SAAL1: variants seen among roughly 807,000 people sequenced by gnomAD.
The protein encoded by SAAL1 is serum amyloid A like 1, also known as protein SAAL1.
SAAL1 carries 42 observed loss-of-function variants against 59.8 expected under a neutral mutation model. The ratio of observed to expected loss-of-function variants is 0.70; its 90% confidence interval spans 0.55 to 0.91. The LOEUF (loss-of-function observed/expected upper bound fraction) is 0.91. Among genes scored for constraint, SAAL1 ranks in the 40% least tolerant of loss-of-function variants. The pLI is 0.00. For synonymous variants in SAAL1, 191 were observed against 194.3 expected (o/e 0.98, Z 0.14); for missense variants, 542 against 561.1 (o/e 0.97, Z 0.34).
chr11:18,098,659 G>A (rs1287994366), intron 2 of SAAL1, among the ~76,000 whole-genome samples: 1 of 152,208 alleles, frequency 6.6e-6, no homozygotes, highest in African/African-American at 2.4e-5. Context: ...AACTGACTGA[G>A]AGAGACACAC....
rs3830499 is a variant in SAAL1, at chr11:18,105,983, ACCTCCT to A, written c.53_58del (p.Glu18_Glu19del). 64 of 1,573,056 alleles carry A rather than the reference ACCTCCT, an allele frequency of 4.1e-5. No individual in the cohort carries two copies. In the African/African-American group the frequency reaches 7.1e-4, roughly 17 times the overall value. On this transcript the variant is annotated inframe_deletion, in exon 1 of 12. Transcript: ENST00000524803. ...GCTCCCTATGCAGTCTCCACCGGCC[ACCTCCT>A]CCTCCTCCTCCTTGTCGCGACCCGG...
intron 3 of SAAL1, 47 bp from the exon 4 acceptor site, chr11:18,092,371 C>T (rs377730815): frequency 4.3e-5 from 52 of 1,212,306 alleles, no homozygotes; most frequent in East Asian, 3.7e-4. Flanking sequence ...AGACGAAAGA[C>T]GTAAACAAAA....
Position 18,106,030 on chromosome 11 carries a change from G to C in SAAL1, c.12C>G (p.Asn4Lys), listed in dbSNP as rs763555748. The C allele has an allele frequency of 1.2e-6, 2 of 1,605,978 alleles. No homozygotes were observed. Among genetic ancestry groups the C allele is most frequent in the African/African-American group, 1.3e-5 (1 of 74,928 alleles). MDR[N>K]PSPPPPGRDK... is the part of the protein sequence containing the mutation. ...CGCGACCCGGCGGCGGCGGCGAGGG[G>C]TTGCGGTCCATGACTTTGTCGCGTC... The change falls in exon 1 of 12, where the codon AAC becomes AAG. Residue 4 changes from asparagine (N) to lysine (K), a missense_variant. Asn to Lys is a moderately conservative substitution (Grantham distance 94). Coordinates refer to ENST00000524803, the MANE Select transcript of SAAL1 (RefSeq NM_138421.3).
At position 18,085,885 on chromosome 11, in the gene SAAL1, GA is replaced by G. The variant is rs1198617792; in HGVS notation, c.1042+980del. On this transcript the variant is annotated intron_variant, in intron 9 of 11. Coordinates refer to ENST00000524803, the MANE Select transcript of SAAL1 (RefSeq NM_138421.3). ...ACTAGAACCAAAGTTATCAAAGGGG[GA>G]AAAAAAATTAAAGCCACACTTCACA... is the stretch of plus-strand genomic sequence containing the variant. 1.8e-4 allele frequency among the ~76,000 whole-genome samples: 28 copies of G among 151,544 alleles called. No individual in the cohort carries two copies. The East Asian group carries it at 5.0e-3, about 27-fold the overall frequency.
intron 11 of SAAL1, 104 bp downstream of exon 11, chr11:18,081,307 A>T: frequency 1.3e-6 from 1 of 771,516 alleles, no homozygotes; most frequent in South Asian, 1.7e-5. Context: ...TATAAATTGT[A>T]TATACTATCA....
At chr11:18,092,380 A>T in intron 3 of SAAL1, 56 bp from the exon 4 acceptor site, 1 of 1,140,388 alleles carries the variant, frequency 8.8e-7, no homozygotes, top group Non-Finnish European at 1.3e-6. Flanking sequence ...ACGTAAACAA[A>T]AATATCAACT....
intron 9 of SAAL1, 25 bp from the exon 10 acceptor site, chr11:18,083,756 G>A (rs1209835821): frequency 1.5e-5 from 23 of 1,499,808 alleles, no homozygotes; most frequent in Non-Finnish European, 1.9e-5. Flanking sequence ...CAAGAAGCAT[G>A]GAATTGGCCA....
chr11:18,081,421 T>C lies in SAAL1; in HGVS notation c.1322A>G (p.Tyr441Cys). The change falls in exon 11 of 12, where the codon TAT becomes TGT. Residue 441 changes from tyrosine (Y) to cysteine (C), a missense_variant. Physicochemically the swap from Tyr to Cys is radical, Grantham distance 194. Coordinates refer to ENST00000524803, the MANE Select transcript of SAAL1 (RefSeq NM_138421.3). ...TTTACCCATACTCACCACAGGGCTA[T>C]AGAAAGGAAGAAGGTTTTGAAATGC... is the stretch of plus-strand genomic sequence containing the variant. ...SSAFQNLLPF[Y>C]SPVVEDFIKI... 1.2e-6 allele frequency: 2 copies of C among 1,613,658 alleles called. No individual in the cohort carries two copies. Among genetic ancestry groups the C allele is most frequent in the Non-Finnish European group, 1.7e-6 (2 of 1,179,558 alleles).
At chr11:18,104,436 TAAGC>T (rs1316383843) in intron 1 of SAAL1, among the ~76,000 whole-genome samples, 1 of 137,910 alleles carries the variant, frequency 7.3e-6, no homozygotes, top group Non-Finnish European at 1.6e-5. Context: ...CCCTTACATT[TAAGC>T]TTTTTTTTTT....
At position 18,094,631 on chromosome 11, in the gene SAAL1, T is replaced by C. The variant is rs138048537; in HGVS notation, c.333+2140A>G. On this transcript the variant is annotated intron_variant, in intron 3 of 11. Coordinates refer to ENST00000524803, the MANE Select transcript of SAAL1 (RefSeq NM_138421.3). ...GAACAAAGGATCAGGGCCTACACCTTAGAAAAAGTCCATATTCGGGACAGT... is the reference window on the plus strand; with the variant it reads ...GAACAAAGGATCAGGGCCTACACCTCAGAAAAAGTCCATATTCGGGACAGT... Among the ~76,000 whole-genome samples the C allele has an allele frequency of 1.2e-4, 18 of 152,012 alleles. No individual in the cohort carries two copies. The East Asian group carries it at 3.5e-3, about 29-fold the overall frequency.
intron 3 of SAAL1, among the ~76,000 whole-genome samples, chr11:18,093,335 G>A (rs1013594006): frequency 6.6e-6 from 1 of 152,114 alleles, no homozygotes; most frequent in Non-Finnish European, 1.5e-5. Flanking sequence ...TGTATGCTGA[G>A]GTTGCTTAGG....
At chr11:18,099,434 T>TCA (rs1172635305) in intron 2 of SAAL1, among the ~76,000 whole-genome samples, 3 of 152,236 alleles carry the variant, frequency 2.0e-5, no homozygotes, top group Admixed American at 2.0e-4. Context: ...CATGGAATTT[T>TCA]CATTCTAAAG....
intron 7 of SAAL1, 33 bp downstream of exon 7, chr11:18,089,296 TC>T (rs761179335): frequency 6.6e-7 from 1 of 1,513,836 alleles, no homozygotes; most frequent in Admixed American, 2.5e-5. Context: ...AATTGCATTT[TC>T]CCAGAACATT....
chr11:18,083,834 A>G (rs1477943086), intron 9 of SAAL1, 103 bp from the exon 10 acceptor site: 1 of 611,090 alleles, frequency 1.6e-6, no homozygotes, highest in African/African-American at 1.8e-5. Flanking sequence ...GGTATTACAG[A>G]TACACTGGTA....
intron 4 of SAAL1, 94 bp from the exon 5 acceptor site, chr11:18,090,587 A>G: frequency 2.3e-6 from 3 of 1,333,234 alleles, no homozygotes; most frequent in Non-Finnish European, 3.1e-6. Context: ...TTATTGTGAA[A>G]TACAGCATAT....
chr11:18,092,431 G>A (rs1225990607), intron 3 of SAAL1, 107 bp from the exon 4 acceptor site: 10 of 730,396 alleles, frequency 1.4e-5, no homozygotes, highest in African/African-American at 3.5e-5. Flanking sequence ...GGGGCAAGGC[G>A]GAGGGGAGGC....
intron 2 of SAAL1, among the ~76,000 whole-genome samples, chr11:18,102,720 A>C (rs1408192770): frequency 1.3e-5 from 2 of 152,218 alleles, no homozygotes; most frequent in African/African-American, 4.8e-5. Context: ...TAACTGTAAA[A>C]TAAGGGTACT....
rs889750640 is a variant in SAAL1 at position 18,105,936 on chromosome 11, G to A, written c.106C>T (p.Leu36Phe). The A allele has an allele frequency of 2.5e-6, 4 of 1,606,018 alleles. No individual in the cohort carries two copies. The Admixed American group carries it at 5.1e-5, about 20-fold the overall frequency. ...ATGAGTCCGCTGAGGACGCCGAAGA[G>A]CCAGTGTTTGCTGTAGACCGTGCTC... ...IGSTVYSKHW[L>F]FGVLSGLIQI... Residue 36 changes from leucine to phenylalanine, a missense_variant, in exon 1 of 12, where the codon CTC (leucine) becomes TTC (phenylalanine). Physicochemically the swap from Leu to Phe is conservative, Grantham distance 22. Coordinates refer to ENST00000524803, the MANE Select transcript of SAAL1 (RefSeq NM_138421.3).
At chr11:18,097,172 G>C (rs1036241720) in intron 2 of SAAL1, among the ~76,000 whole-genome samples, 8 of 152,070 alleles carry the variant, frequency 5.3e-5, no homozygotes, top group South Asian at 2.1e-4. Flanking sequence ...GGGAGGCAGA[G>C]GTTGCAGTGA....
Sources: allele counts gnomAD v4.1 joint callset (sites outside exome capture counted in the v4.1 genomes callset), GRCh38; gene constraint gnomAD v4.1.1; transcripts MANE v1.5; gene names NCBI Gene and HGNC (gene_info 2026-07-23, HGNC 2026-07-21).